Variants in SH3PXD2B observed in about 807,000 individuals in gnomAD.
The protein encoded by SH3PXD2B is SH3 and PX domains 2B, also known as SH3 and PX domain-containing protein 2B.
SH3PXD2B carries 37 observed loss-of-function variants against 73.1 expected under a neutral mutation model. The observed-to-expected ratio is 0.51, with a 90% CI of 0.39 to 0.67. SH3PXD2B has a LOEUF of 0.67. Among genes scored for constraint, SH3PXD2B ranks in the 30% least tolerant of loss-of-function variants. The pLI, the probability that SH3PXD2B is intolerant of heterozygous loss-of-function variation, is 0.00. For synonymous variants in SH3PXD2B, 457 were observed against 480.5 expected, an observed-to-expected ratio of 0.95 and a Z score of 0.64; for missense variants, 1,053 against 1,197.8, an observed-to-expected ratio of 0.88 and a Z score of 1.78.
chr5:172,450,105 A>G (rs770269273), intron 1 of SH3PXD2B, among the ~76,000 whole-genome samples: 11 of 152,132 alleles, frequency 7.2e-5, no homozygotes, highest in Admixed American at 2.0e-4. Flanking sequence ...GGATGATGGA[A>G]ATGTTATAAT....
chr5:172,437,602 CG>C (rs1759424843), intron 1 of SH3PXD2B, among the ~76,000 whole-genome samples: 1 of 152,270 alleles, frequency 6.6e-6, no homozygotes, highest in Non-Finnish European at 1.5e-5. Context: ...CCGGTCCCCA[CG>C]TCAGCGCCAG....
At position 172,349,365 on chromosome 5, in the gene SH3PXD2B, G is replaced by GT. The variant is rs149868218; in HGVS notation, c.1012+997dup. 9.6e-3 allele frequency among the ~76,000 whole-genome samples: 1,462 copies of GT among 152,356 alleles called. 9 individuals carry two copies. Among genetic ancestry groups the GT allele is most frequent in the Non-Finnish European group, 0.012 (835 of 68,034 alleles). On this transcript the variant is annotated intron_variant, in intron 10 of 12. Coordinates refer to ENST00000311601, the MANE Select transcript of SH3PXD2B (RefSeq NM_001017995.3). ...CAAGACAGGATCATGGGCACTGTGCGTAAGTCCTGGGCACCAGCGTGCCCA... is the reference window on the plus strand; with the variant it reads ...CAAGACAGGATCATGGGCACTGTGCGTTAAGTCCTGGGCACCAGCGTGCCCA...
In SH3PXD2B at chr5:172,336,033, A is replaced by T; in HGVS notation, c.*2336T>A. On this transcript the variant is annotated 3_prime_UTR_variant, in exon 13 of 13. Coordinates refer to ENST00000311601, the MANE Select transcript of SH3PXD2B (RefSeq NM_001017995.3). ...ACCCAGCTGACCCCCGGGAGGAAGG[A>T]ATGAAGCAAGAGAGAAACTCCTTCA... The T allele has an allele frequency of 1.0e-6, 1 of 998,574 alleles. No homozygotes were observed. Among genetic ancestry groups the T allele is most frequent in the African/African-American group, 1.7e-5 (1 of 57,948 alleles). The allele number at this position is 998,574 out of a possible 1,614,324, so 61.9% of individuals were successfully genotyped here. A position where few individuals can be genotyped will look rare whatever the true frequency, so the allele number is the denominator to read the frequency against.
At chr5:172,331,396 CT>C (rs1029051727), downstream of SH3PXD2B, among the ~76,000 whole-genome samples, 1 of 152,118 alleles carries the variant, frequency 6.6e-6, no homozygotes, top group Non-Finnish European at 1.5e-5. Flanking sequence ...AGGAATCTGT[CT>C]TTCGACAAGC....
At chr5:172,396,197 A>C (rs7706691) in intron 3 of SH3PXD2B, among the ~76,000 whole-genome samples, 1 of 86,314 alleles carries the variant, frequency 1.2e-5, no homozygotes, top group Non-Finnish European at 2.4e-5. Context: ...TACTAAAAAT[A>C]CAAAAAAAAA....
intron 2 of SH3PXD2B, 41 bp downstream of exon 2, chr5:172,422,375 C>A (rs189634917): frequency 1.3e-6 from 2 of 1,540,868 alleles, no homozygotes; most frequent in African/African-American, 2.7e-5. Flanking sequence ...CAATTAAACT[C>A]TTTCCGATCC....
intron 1 of SH3PXD2B, among the ~76,000 whole-genome samples, chr5:172,443,292 G>A (rs562899708): frequency 2.3e-4 from 35 of 152,290 alleles, no homozygotes; most frequent in African/African-American, 7.2e-4. Flanking sequence ...TACTATCACC[G>A]CGAGTTGCTG....
At chr5:172,328,340 A>G (rs746328650) in intron 12 of SH3PXD2B, among the ~76,000 whole-genome samples, 4 of 151,340 alleles carry the variant, frequency 2.6e-5, no homozygotes, top group African/African-American at 4.9e-5. Flanking sequence ...TCCTGACCTC[A>G]TGATCCGTCT....
At chr5:172,416,491 C>G (rs1331427370) in intron 2 of SH3PXD2B, among the ~76,000 whole-genome samples, 1 of 151,924 alleles carries the variant, frequency 6.6e-6, no homozygotes, top group Non-Finnish European at 1.5e-5. Context: ...CCACGCCCAG[C>G]TAGTTTTTGT....
At chr5:172,329,077 A>ATTTTTTTTT (rs1386202364), downstream of SH3PXD2B, among the ~76,000 whole-genome samples, 2 of 63,584 alleles carry the variant, frequency 3.1e-5, no homozygotes, top group Non-Finnish European at 6.3e-5. Context: ...ATATATATAT[A>ATTTTTTTTT]TATATATTTT....
intron 1 of SH3PXD2B, among the ~76,000 whole-genome samples, chr5:172,428,462 C>T (rs546638120): frequency 1.1e-3 from 168 of 152,368 alleles, no homozygotes; most frequent in African/African-American, 3.5e-3. Flanking sequence ...CTGGAACCCT[C>T]ATGCATTGCT....
chr5:172,350,973 T>C (rs1384929623), intron 9 of SH3PXD2B, among the ~76,000 whole-genome samples: 1 of 152,224 alleles, frequency 6.6e-6, no homozygotes, highest in Non-Finnish European at 1.5e-5. Context: ...AGATTAAACA[T>C]GCTTTCATAT....
At position 172,421,092 on chromosome 5, in the gene SH3PXD2B, G is replaced by A. The variant is rs1758955096; in HGVS notation, c.156+1324C>T. On this transcript the variant is annotated intron_variant, in intron 2 of 12. Coordinates refer to ENST00000311601, the MANE Select transcript of SH3PXD2B (RefSeq NM_001017995.3). The surrounding 1 kb of genome is among the most constrained non-coding windows in gnomAD (Gnocchi z 4.0). ...AAAAGAAGACTGTCACGTCAGGATG[G>A]AGACTTGTGTTGGCCTGAGAGGTGA... is the stretch of plus-strand genomic sequence containing the variant. Among the ~76,000 whole-genome samples, 1 of 152,226 alleles carries A rather than the reference G, an allele frequency of 6.6e-6. No individual in the cohort carries two copies. Among genetic ancestry groups the A allele is most frequent in the South Asian group, 2.1e-4 (1 of 4,828 alleles).
At chr5:172,441,847 G>A (rs1427909033) in intron 1 of SH3PXD2B, among the ~76,000 whole-genome samples, 1 of 152,016 alleles carries the variant, frequency 6.6e-6, no homozygotes, top group African/African-American at 2.4e-5. Flanking sequence ...GGGAGGAGAA[G>A]GGATTCCTCC....
chr5:172,359,368 C>T (rs2113312724), intron 7 of SH3PXD2B, among the ~76,000 whole-genome samples: 1 of 115,886 alleles, frequency 8.6e-6, no homozygotes, highest in East Asian at 2.8e-4. Context: ...GCCCGGGCGA[C>T]AGAGTGAGAC....
chr5:172,394,053 C>G (rs1758243788), intron 4 of SH3PXD2B, among the ~76,000 whole-genome samples: 1 of 152,140 alleles, frequency 6.6e-6, no homozygotes, highest in Non-Finnish European at 1.5e-5. Context: ...AAGCGATTCT[C>G]CTGCCTCGGC....
chr5:172,370,231 G>A (rs920307954), intron 6 of SH3PXD2B, among the ~76,000 whole-genome samples: 2 of 152,132 alleles, frequency 1.3e-5, no homozygotes, highest in African/African-American at 4.8e-5. Context: ...TAGAAAGAAG[G>A]CTTCAGTTAA....
intron 2 of SH3PXD2B, among the ~76,000 whole-genome samples, chr5:172,407,514 T>C (rs565414174): frequency 1.2e-4 from 19 of 152,324 alleles, no homozygotes; most frequent in African/African-American, 4.6e-4. Flanking sequence ...AGTGAGGTTA[T>C]CTGCATAAGC....
intron 10 of SH3PXD2B, among the ~76,000 whole-genome samples, chr5:172,347,659 G>A (rs1757026456): frequency 6.7e-6 from 1 of 149,242 alleles, no homozygotes; most frequent in African/African-American, 2.6e-5. Flanking sequence ...TCCCAATCCA[G>A]CTCTGAGGCT....
Sources: allele counts gnomAD v4.1 joint callset (sites outside exome capture counted in the v4.1 genomes callset), GRCh38; gene constraint gnomAD v4.1.1; non-coding constraint Gnocchi (gnomAD v3.1); transcripts MANE v1.5; gene names NCBI Gene and HGNC (gene_info 2026-07-23, HGNC 2026-07-21).